The following SLIT3 variants were observed in gnomAD, a reference collection of about 807,000 sequenced individuals.
The protein encoded by SLIT3 is slit guidance ligand 3, also known as slit homolog 3 protein.
SLIT3 carries 68 observed loss-of-function variants against 184.0 expected under a neutral mutation model. The ratio of observed to expected loss-of-function variants is 0.37; its 90% CI spans 0.30 to 0.45. The LOEUF is 0.45. Among genes scored for constraint, SLIT3 ranks in the 20% least tolerant of loss-of-function variants. The probability of loss-of-function intolerance (pLI) is 1.00; values close to 1 mark genes in which losing one functional copy is unlikely to be tolerated. For synonymous variants in SLIT3, 831 were observed against 828.6 expected (o/e 1.00, Z -0.05); for missense variants, 1,707 against 2,026.0 (o/e 0.84, Z 3.02).
intron 4 of SLIT3, among the ~76,000 whole-genome samples, chr5:168,927,206 G>A (rs1761856370): frequency 6.6e-6 from 1 of 152,116 alleles, no homozygotes; most frequent in Non-Finnish European, 1.5e-5. Context: ...AGGAAATTTG[G>A]ACCCATGCTA....
intron 4 of SLIT3, among the ~76,000 whole-genome samples, chr5:169,043,384 AATG>A (rs1395034070): frequency 6.6e-6 from 1 of 152,222 alleles, no homozygotes; most frequent in Non-Finnish European, 1.5e-5. Flanking sequence ...AAGTACACAT[AATG>A]AGTTGGTAGT....
At chr5:169,102,081 A>C (rs1429707661) in intron 4 of SLIT3, among the ~76,000 whole-genome samples, 1 of 152,228 alleles carries the variant, frequency 6.6e-6, no homozygotes, top group Non-Finnish European at 1.5e-5. Context: ...CTAACCAATG[A>C]ATATTCACTC....
chr5:168,734,988 C>T (rs184547220), intron 20 of SLIT3, among the ~76,000 whole-genome samples: 174 of 152,276 alleles, frequency 1.1e-3, no homozygotes, highest in Non-Finnish European at 1.6e-3. Flanking sequence ...AATGCAGATG[C>T]AGTGGTGGGG....
chr5:168,907,969 T>TAGAGAGAGAGAG (rs1426074287), intron 4 of SLIT3, among the ~76,000 whole-genome samples: 7 of 76,700 alleles, frequency 9.1e-5, no homozygotes, highest in African/African-American at 2.1e-4. Flanking sequence ...TATATATATA[T>TAGAGAGAGAGAG]ATATATATAT....
intron 6 of SLIT3, among the ~76,000 whole-genome samples, chr5:168,833,553 G>A (rs990162341): frequency 2.0e-5 from 3 of 152,238 alleles, no homozygotes; most frequent in African/African-American, 7.2e-5. Flanking sequence ...AGTGGCCAAA[G>A]GCCTGGAAGG....
At chr5:168,667,837 G>T (rs1022232173) in intron 35 of SLIT3, 1 of 152,164 alleles carries the variant, frequency 6.6e-6, no homozygotes, top group African/African-American at 2.4e-5. Context: ...ATTAGAAAGA[G>T]GTTAATGACA....
chr5:168,678,564 T>G (rs1043170262), intron 32 of SLIT3, among the ~76,000 whole-genome samples: 1 of 151,928 alleles, frequency 6.6e-6, no homozygotes, highest in Admixed American at 6.6e-5. Context: ...GTGCCTGTAG[T>G]CTCAGCTACT....
chr5:168,809,649 A>C lies in SLIT3; in HGVS notation c.794-3062T>G, dbSNP rs529553403. Among the ~76,000 whole-genome samples the C allele has an allele frequency of 3.3e-5, 5 of 152,318 alleles. No individual in the cohort carries two copies. In the East Asian group the frequency reaches 9.6e-4, roughly 29 times the overall value. ...ATTGGAATGTAAATTCCATAATGGC[A>C]GTGGTGTTTTTGGTCTTAATCACTG... On this transcript the variant is annotated intron_variant, in intron 8 of 35. Transcript: ENST00000519560.
chr5:168,923,985 G>T (rs767284933), intron 4 of SLIT3, among the ~76,000 whole-genome samples: 1 of 152,208 alleles, frequency 6.6e-6, no homozygotes, highest in Non-Finnish European at 1.5e-5. Context: ...CAGCAGAATG[G>T]AATAGGGTCA....
chr5:168,969,585 C>A (rs1030453685), intron 4 of SLIT3, among the ~76,000 whole-genome samples: 2 of 152,130 alleles, frequency 1.3e-5, no homozygotes, highest in East Asian at 3.8e-4. Flanking sequence ...AAGCTATCAA[C>A]AAGAAAAGCA....
intron 4 of SLIT3, among the ~76,000 whole-genome samples, chr5:169,170,553 T>C (rs969221559): frequency 6.6e-6 from 1 of 152,126 alleles, no homozygotes. Flanking sequence ...ACAGTGAGAC[T>C]GATGGGAATG....
chr5:169,167,161 C>G (rs975911928), intron 4 of SLIT3, among the ~76,000 whole-genome samples: 3 of 150,340 alleles, frequency 2.0e-5, no homozygotes, highest in African/African-American at 7.3e-5. Context: ...CAGAGTGAGA[C>G]CCTGTCTCTT....
At chr5:168,744,434 G>C (rs1763735570) in intron 20 of SLIT3, among the ~76,000 whole-genome samples, 1 of 152,228 alleles carries the variant, frequency 6.6e-6, no homozygotes, top group South Asian at 2.1e-4. Context: ...TTAAACAACA[G>C]ATCTTCCGTG....
intron 12 of SLIT3, among the ~76,000 whole-genome samples, chr5:168,778,212 T>C (rs1755826897): frequency 6.6e-6 from 1 of 152,222 alleles, no homozygotes; most frequent in South Asian, 2.1e-4. Context: ...TTCCAGGCAC[T>C]ATCTTATGTA....
At chr5:169,080,748 G>A (rs1759002035) in intron 4 of SLIT3, among the ~76,000 whole-genome samples, 1 of 152,164 alleles carries the variant, frequency 6.6e-6, no homozygotes, top group African/African-American at 2.4e-5. Flanking sequence ...CCTGCATGCT[G>A]CAGTTACGTC....
intron 3 of SLIT3, among the ~76,000 whole-genome samples, chr5:169,238,543 C>CTTTTTT (rs71698425): frequency 2.6e-5 from 3 of 117,126 alleles, no homozygotes; most frequent in Admixed American, 8.9e-5. Flanking sequence ...AGTGAAATAG[C>CTTTTTT]TTTTTTTTTT....
chr5:168,859,920 C>T (rs370784366), intron 5 of SLIT3, among the ~76,000 whole-genome samples: 3 of 152,184 alleles, frequency 2.0e-5, no homozygotes, highest in Non-Finnish European at 2.9e-5. Flanking sequence ...AACTGTAACA[C>T]TGAGATTTCT....
intron 6 of SLIT3, among the ~76,000 whole-genome samples, chr5:168,829,535 C>T (rs1561955653): frequency 6.6e-6 from 1 of 152,210 alleles, no homozygotes; most frequent in Non-Finnish European, 1.5e-5. Context: ...TGGTTTCCTC[C>T]TTAATGGCCC....
chr5:168,955,006 G>A (rs1762774320), intron 4 of SLIT3, among the ~76,000 whole-genome samples: 1 of 139,124 alleles, frequency 7.2e-6, no homozygotes, highest in Non-Finnish European at 1.5e-5. Flanking sequence ...ACTTCAGAAT[G>A]TCTTTGGGCA....
Sources: gnomAD v4.1 joint callset for allele counts (sites outside exome capture counted in the v4.1 genomes callset) on GRCh38, gnomAD v4.1.1 for gene constraint, MANE v1.5 for transcripts, NCBI Gene and HGNC (gene_info 2026-07-23, HGNC 2026-07-21) for gene names.